UAP1: variants seen among roughly 807,000 people sequenced by gnomAD.
UAP1 encodes the protein UDP-N-acetylglucosamine pyrophosphorylase 1.
In UAP1, 25 loss-of-function variants were observed where a neutral mutation model predicts 58.5. The observed-to-expected ratio is 0.43, with a 90% CI of 0.31 to 0.60. UAP1 has a LOEUF of 0.60. Ranked by LOEUF, UAP1 falls within the 20% of genes least tolerant of loss-of-function variation. The pLI, the probability that UAP1 is intolerant of heterozygous loss-of-function variation, is 0.11. For synonymous variants in UAP1, 208 were observed against 213.0 expected, an observed-to-expected ratio of 0.98 and a Z score of 0.21; for missense variants, 575 against 630.0, an observed-to-expected ratio of 0.91 and a Z score of 0.93.
intron 5 of UAP1, among the ~76,000 whole-genome samples, chr1:162,583,046 C>T (rs576595701): frequency 6.0e-5 from 9 of 150,642 alleles, no homozygotes; most frequent in East Asian, 3.9e-4. Context: ...GGCAGGATCT[C>T]GGCTCACTGC....
At chr1:162,592,979 A>G in intron 9 of UAP1, 197 bp downstream of exon 9, 1 of 571,480 alleles carries the variant, frequency 1.7e-6, no homozygotes, top group Non-Finnish European at 3.2e-6. Flanking sequence ...TGCATGCTGG[A>G]AATGGAGAGC....
intron 2 of UAP1, among the ~76,000 whole-genome samples, chr1:162,573,168 T>C (rs1047954342): frequency 1.3e-5 from 2 of 152,192 alleles, no homozygotes; most frequent in African/African-American, 2.4e-5. Flanking sequence ...ACATACAAAC[T>C]CAGAATGGCT....
At chr1:162,599,673 T>C in exon 11 of UAP1, 1 of 214,254 alleles carries the variant, frequency 4.7e-6, no homozygotes, top group Non-Finnish European at 9.2e-6. Flanking sequence ...TCAGTTTACT[T>C]GCAGCTGGAA....
chr1:162,572,707 T>A (rs933643149), intron 2 of UAP1, among the ~76,000 whole-genome samples: 13 of 152,228 alleles, frequency 8.5e-5, no homozygotes, highest in African/African-American at 3.1e-4. Flanking sequence ...CCTTTGATGG[T>A]ATGCAAGTGT....
intron 7 of UAP1, 102 bp downstream of exon 7, chr1:162,588,935 A>G (rs899148186): frequency 2.6e-5 from 29 of 1,127,192 alleles, no homozygotes; most frequent in African/African-American, 1.3e-4. Context: ...TTGATAGCAC[A>G]TATCTCACAT....
chr1:162,590,474 A>G, exon 8 of UAP1: 4 of 1,605,644 alleles, frequency 2.5e-6, no homozygotes, highest in Non-Finnish European at 3.4e-6. Flanking sequence ...GGGCCATTTC[A>G]TAGATGAAAA....
chr1:162,579,481 A>G, exon 4 of UAP1: 1 of 1,609,606 alleles, frequency 6.2e-7, no homozygotes, highest in Non-Finnish European at 8.5e-7. Flanking sequence ...TTCTTCACCA[A>G]GCACAAGTAC....
exon 11 of UAP1, chr1:162,599,373 C>A: frequency 6.3e-7 from 1 of 1,590,962 alleles, no homozygotes; most frequent in Non-Finnish European, 8.6e-7. Flanking sequence ...AACCAGATAC[C>A]AAGTTTTGTT....
chr1:162,590,852 T>C (rs1655261752), intron 8 of UAP1, among the ~76,000 whole-genome samples: 1 of 151,764 alleles, frequency 6.6e-6, no homozygotes, highest in African/African-American at 2.4e-5. Context: ...AGTAACACAC[T>C]ATACCACAGG....
chr1:162,596,771 G>A (rs12045760), intron 9 of UAP1, among the ~76,000 whole-genome samples: 13,090 of 152,232 alleles, frequency 0.086, 733 homozygotes, highest in East Asian at 0.21. Context: ...TTGAGACTAC[G>A]TACTTGGGGA....
intron 9 of UAP1, among the ~76,000 whole-genome samples, chr1:162,596,674 A>G (rs1655639165): frequency 6.6e-6 from 1 of 152,204 alleles, no homozygotes; most frequent in South Asian, 2.1e-4. Context: ...AAGGTGAAGT[A>G]GGATAGAGAG....
chr1:162,580,514 C>A (rs542420175), intron 4 of UAP1, among the ~76,000 whole-genome samples: 1 of 152,264 alleles, frequency 6.6e-6, no homozygotes, highest in East Asian at 1.9e-4. Flanking sequence ...TGAGTACAAC[C>A]TCAGTCTATA....
intron 4 of UAP1, among the ~76,000 whole-genome samples, chr1:162,579,925 C>T (rs1001439642): frequency 6.6e-5 from 10 of 152,104 alleles, no homozygotes; most frequent in Admixed American, 2.6e-4. Context: ...AGTACAGTGG[C>T]GCAATCTCGG....
In UAP1 at chr1:162,592,639, A is replaced by G. The variant is rs1655384314; in HGVS notation, c.1359-93A>G. ...CGAATTTATGATTTACCATAAATAC[A>G]TACCATTCAATCAAGTATATTTTGC... On this transcript the variant is annotated intron_variant, in intron 8 of 10. Coordinates refer to ENST00000271469, the Ensembl canonical transcript of UAP1. The G allele has an allele frequency of 6.4e-6, 6 of 934,070 alleles. No individual in the cohort carries two copies. In the East Asian group the frequency reaches 7.9e-5, roughly 12 times the overall value. The allele number at this position is 934,070 out of a possible 1,614,324, so 57.9% of individuals were successfully genotyped here.
At chr1:162,571,131 T>C (rs911372248) in intron 2 of UAP1, among the ~76,000 whole-genome samples, 2 of 151,688 alleles carry the variant, frequency 1.3e-5, no homozygotes, top group Non-Finnish European at 2.9e-5. Context: ...TTTTTTTGTT[T>C]GTTTGTTTGT....
chr1:162,590,924 A>ATTT (rs529871740), intron 8 of UAP1, among the ~76,000 whole-genome samples: 3 of 126,740 alleles, frequency 2.4e-5, no homozygotes, highest in Admixed American at 8.1e-5. Flanking sequence ...CCTCACCACT[A>ATTT]TTTTTTTTTT....
chr1:162,578,978 C>T (rs1434647961), intron 3 of UAP1, among the ~76,000 whole-genome samples: 1 of 152,094 alleles, frequency 6.6e-6, no homozygotes, highest in Admixed American at 6.6e-5. Flanking sequence ...TATAATTATA[C>T]TTTTATGATT....
At chr1:162,592,223 T>G (rs887732714) in intron 8 of UAP1, among the ~76,000 whole-genome samples, 22 of 152,044 alleles carry the variant, frequency 1.4e-4, no homozygotes, top group Non-Finnish European at 4.4e-5. Context: ...AAACCCTGTC[T>G]CTACTAAATA....
chr1:162,587,499 G>A, exon 6 of UAP1: 1 of 1,613,766 alleles, frequency 6.2e-7, no homozygotes, highest in Non-Finnish European at 8.5e-7. Context: ...GAACCCTACA[G>A]AACCAGTTGG....
Sources: gnomAD v4.1 joint callset for allele counts (sites outside exome capture counted in the v4.1 genomes callset) on GRCh38, gnomAD v4.1.1 for gene constraint, MANE v1.5 for transcripts, NCBI Gene and HGNC (gene_info 2026-07-23, HGNC 2026-07-21) for gene names.